The following ANKFN1 variants were observed in gnomAD, a reference collection of about 807,000 sequenced individuals.
ANKFN1 encodes ankyrin repeat and fibronectin type III domain containing 1.
In ANKFN1, 74 loss-of-function variants were observed where a neutral mutation model predicts 108.7. The ratio of observed to expected loss-of-function variants is 0.68; its 90% confidence interval spans 0.56 to 0.83. The LOEUF is 0.83. ANKFN1 is among the 40% of genes least tolerant of loss of function. The pLI is 0.00. For missense variants in ANKFN1, 1,505 were observed against 1,382.3 expected (o/e 1.09, Z -1.41); for synonymous variants, 547 against 516.2 (o/e 1.06, Z -0.81).
chr17:56,422,218 G>A (rs6505057), intron 8 of ANKFN1, among the ~76,000 whole-genome samples: 67,413 of 152,056 alleles, frequency 0.44, 19,730 homozygotes, highest in African/African-American at 0.83. Flanking sequence ...CCTTGCTAAC[G>A]CATGGTACTT....
At chr17:56,438,965 G>C (rs1263470957) in intron 8 of ANKFN1, among the ~76,000 whole-genome samples, 1 of 152,190 alleles carries the variant, frequency 6.6e-6, no homozygotes, top group Non-Finnish European at 1.5e-5. Context: ...TAATGCAAAA[G>C]AGAAGTAGAA....
At chr17:56,480,529 G>T in intron 16 of ANKFN1, 139 bp from the exon 17 acceptor site, 1 of 917,400 alleles carries the variant, frequency 1.1e-6, no homozygotes, top group East Asian at 2.6e-5. Context: ...GTGGCAAAAT[G>T]TTCAAATTTC....
intron 4 of ANKFN1, among the ~76,000 whole-genome samples, chr17:56,086,818 A>G (rs1200412019): frequency 1.3e-5 from 2 of 151,434 alleles, no homozygotes; most frequent in Non-Finnish European, 3.0e-5. Flanking sequence ...ACTACTCCTG[A>G]AAAATGATTA....
intron 4 of ANKFN1, among the ~76,000 whole-genome samples, chr17:56,133,808 C>T (rs766738208): frequency 9.9e-5 from 15 of 151,688 alleles, no homozygotes; most frequent in Non-Finnish European, 2.1e-4. Flanking sequence ...CACTCTCACA[C>T]ACCACTCAAC....
At chr17:56,266,984 T>C (rs547051780) in intron 3 of ANKFN1, among the ~76,000 whole-genome samples, 1 of 152,276 alleles carries the variant, frequency 6.6e-6, no homozygotes, top group East Asian at 1.9e-4. Context: ...TCCACTCAGT[T>C]GTCATTGATC....
chr17:56,488,342 G>A (rs12449510), intron 18 of ANKFN1, among the ~76,000 whole-genome samples: 26,588 of 152,030 alleles, frequency 0.17, 3,870 homozygotes, highest in African/African-American at 0.4. Flanking sequence ...CTTTGTGATT[G>A]ATTGGATGTG....
chr17:56,396,285 T>C (rs2047581356), intron 8 of ANKFN1, among the ~76,000 whole-genome samples: 1 of 152,082 alleles, frequency 6.6e-6, no homozygotes. Context: ...CCGTCTCTAC[T>C]AAAAATACAA....
At chr17:56,341,462 ATT>A (rs1199311119) in intron 4 of ANKFN1, among the ~76,000 whole-genome samples, 1 of 151,956 alleles carries the variant, frequency 6.6e-6, no homozygotes. Context: ...GGCTCTTATT[ATT>A]TTGAGGTATG....
At chr17:56,236,744 A>C (rs1917184617) in intron 3 of ANKFN1, among the ~76,000 whole-genome samples, 3 of 152,168 alleles carry the variant, frequency 2.0e-5, no homozygotes, top group Non-Finnish European at 4.4e-5. Flanking sequence ...GTGCAAAAGT[A>C]ACTGTGGCTT....
At chr17:56,094,640 A>G (rs1158537923) in intron 4 of ANKFN1, among the ~76,000 whole-genome samples, 2 of 147,006 alleles carry the variant, frequency 1.4e-5, no homozygotes, top group Non-Finnish European at 3.0e-5. Context: ...TGTAGCTGGG[A>G]CTACAGGCGC....
chr17:56,067,815 C>T (rs1168508927), intron 4 of ANKFN1, among the ~76,000 whole-genome samples: 1 of 151,672 alleles, frequency 6.6e-6, no homozygotes, highest in African/African-American at 2.4e-5. Flanking sequence ...ACCAATAAAG[C>T]ATAAATTCAG....
Position 56,467,783 on chromosome 17 carries a change from G to GAAAGAA in ANKFN1, c.1773+1214_1773+1219dup, listed in dbSNP as rs1283868951. Among the ~76,000 whole-genome samples, 24 of 22,916 alleles carry GAAAGAA rather than the reference G, an allele frequency of 1.0e-3. 1 individual carries two copies. The highest frequency in any genetic ancestry group is 3.3e-3 in the Admixed American group (4 of 1,202). 15.0% of individuals were successfully genotyped at this position (22,916 alleles called of 152,430 possible). On this transcript the variant is annotated intron_variant, in intron 15 of 20. Coordinates refer to ENST00000682825, the MANE Select transcript of ANKFN1 (RefSeq NM_001370326.1). ...AGAAAGAAAGAAAGAAAGAAAGAAA[G>GAAAGAA]AAAGAAAGAAGAAAGAAAGAAAGAA... is the stretch of plus-strand genomic sequence containing the variant.
chr17:56,105,540 C>T (rs1905729839), intron 4 of ANKFN1, among the ~76,000 whole-genome samples: 1 of 151,902 alleles, frequency 6.6e-6, no homozygotes, highest in Admixed American at 6.6e-5. Context: ...TCCCTCCTTC[C>T]CTGCCTCCTG....
intron 3 of ANKFN1, among the ~76,000 whole-genome samples, chr17:56,312,621 C>A (rs1434403930): frequency 6.6e-6 from 1 of 152,158 alleles, no homozygotes. Context: ...TGCTACCTGT[C>A]GCCTGCTGGA....
chr17:56,343,041 A>G (rs1406762551), intron 4 of ANKFN1, among the ~76,000 whole-genome samples: 1 of 151,976 alleles, frequency 6.6e-6, no homozygotes, highest in African/African-American at 2.4e-5. Flanking sequence ...ACCCTTTACC[A>G]TTATGTAATG....
At chr17:56,231,283 G>C (rs1011645554) in intron 3 of ANKFN1, among the ~76,000 whole-genome samples, 1 of 152,052 alleles carries the variant, frequency 6.6e-6, no homozygotes, top group Non-Finnish European at 1.5e-5. Context: ...AACTTGGTTT[G>C]TGTAATTTAG....
At chr17:56,424,788 CA>C (rs1359557757) in intron 8 of ANKFN1, among the ~76,000 whole-genome samples, 3 of 152,156 alleles carry the variant, frequency 2.0e-5, no homozygotes, top group Non-Finnish European at 2.9e-5. Context: ...CCTGTGGTAA[CA>C]GAGTATTTCT....
chr17:56,108,784 G>T (rs1371489317), intron 4 of ANKFN1, among the ~76,000 whole-genome samples: 1 of 152,188 alleles, frequency 6.6e-6, no homozygotes, highest in African/African-American at 2.4e-5. Flanking sequence ...GAAGTATGGG[G>T]AACAAAAGCA....
intron 1 of ANKFN1, among the ~76,000 whole-genome samples, chr17:56,181,682 C>T (rs759069292): frequency 3.3e-5 from 5 of 152,252 alleles, no homozygotes; most frequent in Non-Finnish European, 7.4e-5. Flanking sequence ...ACAACCATTA[C>T]GTATGCATGT....
Sources: allele counts gnomAD v4.1 joint callset (sites outside exome capture counted in the v4.1 genomes callset), GRCh38; gene constraint gnomAD v4.1.1; transcripts MANE v1.5; gene names NCBI Gene and HGNC (gene_info 2026-07-23, HGNC 2026-07-21).